The following STOML1 variants were observed in gnomAD, a reference collection of about 807,000 sequenced individuals.
STOML1 encodes the protein stomatin-like protein 1.
A neutral mutation model predicts 35.7 loss-of-function variants in STOML1; 27 were observed. That is an observed-to-expected ratio of 0.76 (90% CI 0.56 to 1.04). STOML1 has a LOEUF of 1.04. STOML1 is among the 50% of genes least tolerant of loss of function. The probability of loss-of-function intolerance (pLI) is 0.00; values close to 1 mark genes in which losing one functional copy is unlikely to be tolerated. For synonymous variants in STOML1, 219 were observed against 227.9 expected (o/e 0.96, Z 0.35); for missense variants, 451 against 527.1 (o/e 0.86, Z 1.41).
chr15:73,991,272 T>C lies in STOML1; in HGVS notation c.134-815A>G, dbSNP rs143374848. On this transcript the variant is annotated intron_variant, in intron 1 of 6. Coordinates refer to ENST00000541638, the MANE Select transcript of STOML1 (RefSeq NM_004809.5). The stretch of plus-strand genomic sequence containing the variant: ...GCCCCTGGAGATTCAGGAGCCCAAG[T>C]TGGGAGCAAAGCCGAGACAGCTCCA... Among the ~76,000 whole-genome samples, 1,304 of 152,292 alleles carry C rather than the reference T, an allele frequency of 8.6e-3. 20 individuals carry two copies. Among genetic ancestry groups the C allele is most frequent in the African/African-American group, 0.03 (1,242 of 41,560 alleles).
In STOML1 at chr15:73,988,386, A is replaced by G; in HGVS notation, c.594+213T>C. ...CCGGGGCCACTTCCTCTTCTCAGGG[A>G]CAAGTTTGCCCAGGATCGTTATGGT... On this transcript the variant is annotated intron_variant, in intron 4 of 6. Transcript: ENST00000541638. The surrounding 1 kb of genome is among the most constrained non-coding windows in gnomAD (Gnocchi z 4.8). 1 of 594,256 alleles carries G rather than the reference A, an allele frequency of 1.7e-6. No homozygotes were observed. The highest frequency in any genetic ancestry group is 2.9e-5 in the East Asian group (1 of 34,168). The allele number at this position is 594,256 out of a possible 1,614,324, so 36.8% of individuals were successfully genotyped here. A position where few individuals can be genotyped will look rare whatever the true frequency, so the allele number is the denominator to read the frequency against.
At chr15:73,985,252 G>T in intron 5 of STOML1, 66 bp downstream of exon 5, 1 of 1,465,346 alleles carries the variant, frequency 6.8e-7, no homozygotes, top group East Asian at 2.4e-5. Context: ...TGCTGGGATA[G>T]TGAGCAAAGT....
rs1420390209 is a variant in STOML1 at position 73,984,651 on chromosome 15, A to G, written c.1003+8T>C. ...GATGGGAAGGAGAGGCAAGGAGGGC[A>G]GCGGCACCTGTAGTGAGGTCCAGGA... On this transcript the variant is annotated splice_region_variant and intron_variant, in intron 6 of 6. Transcript: ENST00000541638. 2.5e-6 allele frequency: 4 copies of G among 1,612,826 alleles called. No individual in the cohort carries two copies. Among genetic ancestry groups the G allele is most frequent in the Non-Finnish European group, 3.4e-6 (4 of 1,179,058 alleles).
chr15:73,989,283 T>C lies in STOML1; in HGVS notation c.241-26A>G, dbSNP rs1251024752. ...CTGTCCACAATGGCAAGGGAAAGAG[T>C]TGAAAGTGGTCAGCCTAGGCTGGCC... On this transcript the variant is annotated intron_variant, in intron 2 of 6. Coordinates refer to ENST00000541638, the MANE Select transcript of STOML1 (RefSeq NM_004809.5). The C allele has an allele frequency of 1.9e-6, 3 of 1,558,960 alleles. No individual in the cohort carries two copies. The South Asian group carries it at 3.6e-5, about 19-fold the overall frequency.
Position 73,980,389 on chromosome 15 carries a change from C to T in STOML1, c.*3548G>A, listed in dbSNP as rs904017209. On this transcript the variant is annotated 3_prime_UTR_variant, in exon 7 of 7. Transcript: ENST00000541638. ...CACAAGAAATAATCAAAATGTCTAT[C>T]GGTCCACGACAGGTTGAATAATTTA... The T allele has an allele frequency of 1.3e-5, 2 of 152,156 alleles. No homozygotes were observed. Among genetic ancestry groups the T allele is most frequent in the Non-Finnish European group, 2.9e-5 (2 of 68,036 alleles). The allele number at this position is 152,156 out of a possible 1,614,324, so 9.4% of individuals were successfully genotyped here.
chr15:73,991,859 T>C (rs2069286980), intron 1 of STOML1: 6 of 649,638 alleles, frequency 9.2e-6, no homozygotes, highest in Admixed American at 2.9e-5. Context: ...TTTTGGAAGA[T>C]AGGAGCAACG....
intron 1 of STOML1, chr15:73,991,626 C>T (rs745387796): frequency 1.7e-5 from 8 of 459,014 alleles, no homozygotes; most frequent in South Asian, 1.2e-4. Context: ...CAGCTGAGGA[C>T]CTGTCATTTT....
intron 2 of STOML1, among the ~76,000 whole-genome samples, chr15:73,989,610 G>T (rs2069201980): frequency 6.6e-6 from 1 of 152,146 alleles, no homozygotes; most frequent in South Asian, 2.1e-4. Flanking sequence ...GATTAGTTAG[G>T]AGAAAAGGCT....
At chr15:73,991,810 G>A (rs1259910301) in intron 1 of STOML1, 2 of 602,758 alleles carry the variant, frequency 3.3e-6, no homozygotes, top group African/African-American at 3.7e-5. Context: ...CAGGCCTAAA[G>A]GGCTGATAAG....
intron 4 of STOML1, chr15:73,985,715 C>A: frequency 1.7e-6 from 1 of 590,376 alleles, no homozygotes; most frequent in Non-Finnish European, 2.8e-6. Context: ...GTGGTGAGCC[C>A]CCAGCAGAGG....
chr15:73,992,052 C>A (rs761872567), intron 1 of STOML1, 39 bp downstream of exon 1: 2 of 1,523,560 alleles, frequency 1.3e-6, no homozygotes, highest in East Asian at 5.0e-5. Flanking sequence ...GGTTGCCGGC[C>A]GGTCCCCCCC....
At chr15:73,991,800 C>G (rs1467015254) in intron 1 of STOML1, 3 of 599,760 alleles carry the variant, frequency 5.0e-6, no homozygotes, top group Non-Finnish European at 9.1e-6. Flanking sequence ...AACGTCTTCC[C>G]AGGCCTAAAG....
Position 73,985,528 on chromosome 15 carries a change from G to T in STOML1, c.595-15C>A. On this transcript the variant is annotated splice_polypyrimidine_tract_variant and intron_variant, in intron 4 of 6. Coordinates refer to ENST00000541638, the MANE Select transcript of STOML1 (RefSeq NM_004809.5). ...TTGATCTCCAGCTGGAGGACAGTGT[G>T]AGGAGAAATGTAATTAATTCAACAA... 1 of 1,536,904 alleles carries T rather than the reference G, an allele frequency of 6.5e-7. No homozygotes were observed. Among genetic ancestry groups the T allele is most frequent in the South Asian group, 1.2e-5 (1 of 81,666 alleles).
chr15:73,985,712 GC>G, intron 4 of STOML1, 199 bp from the exon 5 acceptor site: 2 of 600,452 alleles, frequency 3.3e-6, no homozygotes, highest in Non-Finnish European at 2.7e-6. Flanking sequence ...CCTGTGGTGA[GC>G]CCCCAGCAGA....
Position 73,988,550 on chromosome 15 carries a change from G to A in STOML1, c.594+49C>T, listed in dbSNP as rs1410636346. ...TTCTCAAAGTGACCTGGCAGGTGGA[G>A]CCAGGCCGGTGCCACCCCTCAAGCT... is the stretch of plus-strand genomic sequence containing the variant. On this transcript the variant is annotated intron_variant, in intron 4 of 6. Coordinates refer to ENST00000541638, the MANE Select transcript of STOML1 (RefSeq NM_004809.5). This position sits in a 1 kb window ranked among gnomAD's most constrained non-coding sequence, Gnocchi z 4.8. The A allele has an allele frequency of 1.2e-6, 2 of 1,606,808 alleles. No individual in the cohort carries two copies. Among genetic ancestry groups the A allele is most frequent in the South Asian group, 1.1e-5 (1 of 90,398 alleles).
chr15:73,991,969 T>TTC, intron 1 of STOML1, 122 bp downstream of exon 1: 1 of 1,385,902 alleles, frequency 7.2e-7, no homozygotes, highest in East Asian at 2.5e-5. Flanking sequence ...CGTATCCCTT[T>TTC]CTCAGTCCCC....
In STOML1 at chr15:73,984,865, G is replaced by A. The variant is rs200445800; in HGVS notation, c.797C>T (p.Thr266Ile). 2.4e-4 allele frequency: 390 copies of A among 1,613,868 alleles called. 2 individuals are homozygous for A. The highest frequency in any genetic ancestry group is 3.3e-4 in the Middle Eastern group (2 of 6,064). ...CTCAACTTCACTCACCATCTCCACGGTGTCTGCTGGGGGTGGCCAACAGGG... is the reference window on the plus strand; with the variant it reads ...CTCAACTTCACTCACCATCTCCACGATGTCTGCTGGGGGTGGCCAACAGGG... ...GGAPSPGPAD[T>I]VEMVSEVEPP... The change falls in exon 6 of 7, where the codon ACC becomes ATC. Residue 266 changes from threonine (T) to isoleucine (I), a missense_variant. Physicochemically the swap from Thr to Ile is moderately conservative, Grantham distance 89 (BLOSUM62 -1). Transcript: ENST00000541638.
intron 2 of STOML1, chr15:73,990,149 T>A: frequency 3.6e-6 from 2 of 558,204 alleles, no homozygotes; most frequent in South Asian, 4.3e-5. Context: ...TACCCCCTAC[T>A]GGCTCCCAGT....
At chr15:73,993,419 C>T (rs1226577371), upstream of STOML1, among the ~76,000 whole-genome samples, 1 of 152,196 alleles carries the variant, frequency 6.6e-6, no homozygotes, top group East Asian at 1.9e-4. Flanking sequence ...CTCTGGCCTC[C>T]GAAGCCCCAT....
Sources: allele counts gnomAD v4.1 joint callset (sites outside exome capture counted in the v4.1 genomes callset), GRCh38; gene constraint gnomAD v4.1.1; non-coding constraint Gnocchi (gnomAD v3.1); transcripts MANE v1.5; gene names NCBI Gene and HGNC (gene_info 2026-07-23, HGNC 2026-07-21).